DOCK1: variants seen among roughly 807,000 people sequenced by gnomAD.
DOCK1 encodes dedicator of cytokinesis 1.
In DOCK1, 138 loss-of-function variants were observed where a neutral mutation model predicts 262.7. That is an observed-to-expected ratio of 0.53 (90% confidence interval 0.46 to 0.61). DOCK1 has a LOEUF of 0.61. Among genes scored for constraint, DOCK1 ranks in the 20% least tolerant of loss-of-function variants. The probability of loss-of-function intolerance (pLI) is 0.00; values close to 1 mark genes in which losing one functional copy is unlikely to be tolerated. For synonymous variants in DOCK1, 866 were observed against 867.4 expected, an observed-to-expected ratio of 1.00 and a Z score of 0.03; for missense variants, 1,908 against 2,370.7, an observed-to-expected ratio of 0.80 and a Z score of 4.05.
At chr10:127,187,560 G>A (rs548939739) in intron 27 of DOCK1, among the ~76,000 whole-genome samples, 2 of 152,236 alleles carry the variant, frequency 1.3e-5, no homozygotes, top group East Asian at 3.9e-4. Flanking sequence ...TTTTTAAAGA[G>A]AGCATATCCT....
intron 10 of DOCK1, among the ~76,000 whole-genome samples, chr10:127,008,420 T>C (rs2135264626): frequency 6.6e-6 from 1 of 152,322 alleles, no homozygotes; most frequent in East Asian, 1.9e-4. Flanking sequence ...TTTTCGTTGC[T>C]TGTTGTTAAT....
In DOCK1 at chr10:126,975,271, C is replaced by A. The variant is rs183894451; in HGVS notation, c.131-2677C>A. Reference sequence around the variant, plus strand: ...GGTATGAGCACTTAGGTTGTCCCCGCTTCCCACCACCCAAGATCAAGCTGC... The same window carrying A: ...GGTATGAGCACTTAGGTTGTCCCCGATTCCCACCACCCAAGATCAAGCTGC... On this transcript the variant is annotated intron_variant, in intron 2 of 51. Coordinates refer to ENST00000623213, the MANE Select transcript of DOCK1 (RefSeq NM_001290223.2). Among the ~76,000 whole-genome samples, 91 of 152,274 alleles carry A rather than the reference C, an allele frequency of 6.0e-4. 1 individual carries two copies. The highest frequency in any genetic ancestry group is 2.1e-3 in the African/African-American group (86 of 41,558).
chr10:127,082,915 T>A (rs1211006679), intron 23 of DOCK1, among the ~76,000 whole-genome samples: 1 of 152,184 alleles, frequency 6.6e-6, no homozygotes, highest in Non-Finnish European at 1.5e-5. Flanking sequence ...TGTCTCCATG[T>A]CTTTGTGAGC....
intron 32 of DOCK1, among the ~76,000 whole-genome samples, chr10:127,361,140 G>A (rs1447164530): frequency 1.6e-5 from 2 of 122,220 alleles, no homozygotes; most frequent in Admixed American, 9.4e-5. Flanking sequence ...TTGAGACAGA[G>A]TCTTGCTCTG....
chr10:127,404,727 T>G (rs1466592625), intron 40 of DOCK1, among the ~76,000 whole-genome samples: 1 of 152,254 alleles, frequency 6.6e-6, no homozygotes, highest in African/African-American at 2.4e-5. Context: ...TTAGCCATTT[T>G]TAGGTGTGTA....
At chr10:127,354,766 C>T (rs1441879514) in intron 32 of DOCK1, 39 bp downstream of exon 32, 5 of 1,612,346 alleles carry the variant, frequency 3.1e-6, no homozygotes, top group Non-Finnish European at 4.2e-6. Context: ...GAATATCTTG[C>T]ATCCCTGGTG....
intron 29 of DOCK1, among the ~76,000 whole-genome samples, chr10:127,290,628 A>G (rs893198837): frequency 2.0e-5 from 3 of 152,114 alleles, no homozygotes; most frequent in African/African-American, 7.2e-5. Flanking sequence ...TGCCTTCTTT[A>G]TCTGCGTAAC....
intron 27 of DOCK1, among the ~76,000 whole-genome samples, chr10:127,149,083 G>C (rs1175153023): frequency 6.6e-6 from 1 of 152,120 alleles, no homozygotes; most frequent in Non-Finnish European, 1.5e-5. Flanking sequence ...TTTTTCAGCT[G>C]AGGAATGCCT....
intron 27 of DOCK1, among the ~76,000 whole-genome samples, chr10:127,171,191 A>G (rs1358156807): frequency 2.6e-5 from 4 of 152,218 alleles, no homozygotes; most frequent in African/African-American, 4.8e-5. Context: ...AATCTACATA[A>G]GCAAATGAAA....
At chr10:127,235,246 G>A (rs886812290) in intron 27 of DOCK1, among the ~76,000 whole-genome samples, 2 of 151,858 alleles carry the variant, frequency 1.3e-5, no homozygotes, top group African/African-American at 4.8e-5. Flanking sequence ...ATACAGTTGT[G>A]TAGCCACTAC....
chr10:127,280,098 G>A (rs1156797090), intron 29 of DOCK1, among the ~76,000 whole-genome samples: 1 of 146,010 alleles, frequency 6.8e-6, no homozygotes, highest in African/African-American at 2.5e-5. Context: ...GCAGCGGCGC[G>A]ATCTCGGCTC....
intron 48 of DOCK1, among the ~76,000 whole-genome samples, chr10:127,438,278 T>C (rs570866233): frequency 6.6e-6 from 1 of 152,382 alleles, no homozygotes; most frequent in Non-Finnish European, 1.5e-5. Context: ...ACTAACCTTT[T>C]GGTACATGCC....
chr10:127,327,820 G>C (rs868770493), intron 29 of DOCK1, among the ~76,000 whole-genome samples: 9 of 152,150 alleles, frequency 5.9e-5, no homozygotes, highest in African/African-American at 1.9e-4. Flanking sequence ...GTTCAGAGCT[G>C]TTATTAACTT....
intron 1 of DOCK1, among the ~76,000 whole-genome samples, chr10:126,926,832 G>A (rs945118014): frequency 1.3e-5 from 2 of 151,240 alleles, no homozygotes; most frequent in Non-Finnish European, 2.9e-5. Context: ...CCCCCAGAGG[G>A]TTTGGAGGGA....
chr10:127,213,210 C>A (rs1316239257), intron 27 of DOCK1, among the ~76,000 whole-genome samples: 9 of 152,140 alleles, frequency 5.9e-5, no homozygotes, highest in Admixed American at 2.6e-4. Context: ...AAAATGTTTT[C>A]TTTGATTTTT....
rs567132588 is a variant in DOCK1 at position 127,343,562 on chromosome 10, C to A, written c.3124-84C>A. The A allele has an allele frequency of 2.5e-4, 284 of 1,114,700 alleles. 5 individuals are homozygous for A. The South Asian group carries it at 4.0e-3, about 16-fold the overall frequency. 69.1% of individuals were successfully genotyped at this position (1,114,700 alleles called of 1,614,324 possible). ...TAACTTTTCAGAAGTGTGTGCTGAG[C>A]AAATGATAAATGTCTGAGAGCATTG... On this transcript the variant is annotated intron_variant, in intron 30 of 51. Transcript: ENST00000623213.
intron 38 of DOCK1, among the ~76,000 whole-genome samples, chr10:127,386,039 G>T (rs369748293): frequency 1.3e-5 from 2 of 152,206 alleles, no homozygotes; most frequent in African/African-American, 4.8e-5. Flanking sequence ...ACCCACAATT[G>T]TACTGATGCC....
At chr10:127,335,714 ATT>A (rs772026364) in intron 29 of DOCK1, among the ~76,000 whole-genome samples, 3 of 134,566 alleles carry the variant, frequency 2.2e-5, no homozygotes, top group East Asian at 2.2e-4. Flanking sequence ...GGCCCAGCTA[ATT>A]TTTTTTTTTT....
chr10:127,090,134 T>A (rs897537136), intron 23 of DOCK1, among the ~76,000 whole-genome samples: 1 of 152,028 alleles, frequency 6.6e-6, no homozygotes, highest in African/African-American at 2.4e-5. Flanking sequence ...CTTCCTGGGA[T>A]TTTTTTTCCT....
Sources: allele counts gnomAD v4.1 joint callset (sites outside exome capture counted in the v4.1 genomes callset), GRCh38; gene constraint gnomAD v4.1.1; transcripts MANE v1.5; gene names NCBI Gene and HGNC (gene_info 2026-07-23, HGNC 2026-07-21).